Variants in KAT6A observed in about 807,000 individuals in gnomAD.
The protein encoded by KAT6A is histone acetyltransferase KAT6A.
In KAT6A, 9 loss-of-function variants were observed where a neutral mutation model predicts 198.4. The ratio of observed to expected loss-of-function variants is 0.05; its 90% CI spans 0.03 to 0.08. KAT6A has a LOEUF of 0.08. KAT6A is among the 10% of genes least tolerant of loss of function. The pLI is 1.00. For synonymous variants in KAT6A, 890 were observed against 883.0 expected, an observed-to-expected ratio of 1.01 and a Z score of -0.14; for missense variants, 2,077 against 2,509.9, an observed-to-expected ratio of 0.83 and a Z score of 3.69.
rs988491987 is a variant in KAT6A, at chr8:42,007,961, CAAAAAAAAAA to C, written c.601-20408_601-20399del. 9.3e-5 allele frequency among the ~76,000 whole-genome samples: 4 copies of C among 42,896 alleles called. 1 individual carries two copies. Among genetic ancestry groups the C allele is most frequent in the African/African-American group, 2.7e-4 (3 of 11,210 alleles). The allele number at this position is 42,896 out of a possible 152,430, so 28.1% of individuals were successfully genotyped here. On this transcript the variant is annotated intron_variant, in intron 2 of 16. Coordinates refer to ENST00000265713, the MANE Select transcript of KAT6A (RefSeq NM_006766.5). ...TGGGCGACAGAGCGAGACTCCGTCT[CAAAAAAAAAA>C]AAAAAAAAAAAAAAAATTTTTATTG... is the stretch of plus-strand genomic sequence containing the variant.
chr8:41,948,082 C>A (rs1822484614), intron 10 of KAT6A, among the ~76,000 whole-genome samples, 170 bp from the exon 11 acceptor site: 1 of 152,200 alleles, frequency 6.6e-6, no homozygotes, highest in African/African-American at 2.4e-5. Flanking sequence ...CAGTATTATG[C>A]TATCTGCTGT....
chr8:42,050,168 T>C (rs1587873160), intron 1 of KAT6A, among the ~76,000 whole-genome samples: 1 of 152,342 alleles, frequency 6.6e-6, no homozygotes, highest in African/African-American at 2.4e-5. Context: ...CACTGGCTAC[T>C]TGTAGGACTA....
Position 41,999,822 on chromosome 8 carries a change from T to G in KAT6A, c.601-12259A>C, listed in dbSNP as rs548725639. Among the ~76,000 whole-genome samples the G allele has an allele frequency of 1.4e-4, 21 of 152,368 alleles. No individual in the cohort carries two copies. The East Asian group carries it at 2.3e-3, about 17-fold the overall frequency. On this transcript the variant is annotated intron_variant, in intron 2 of 16. Coordinates refer to ENST00000265713, the MANE Select transcript of KAT6A (RefSeq NM_006766.5). ...GGGTTCTGCCACTGTGGCATCACTT[T>G]AAGCAAGTTACTTAAGTGTTGAAAA...
At chr8:42,027,279 T>G (rs1210782048) in intron 2 of KAT6A, among the ~76,000 whole-genome samples, 3 of 152,188 alleles carry the variant, frequency 2.0e-5, no homozygotes, top group Non-Finnish European at 2.9e-5. Context: ...GATTTGGTAT[T>G]GGGATAATGC....
At chr8:41,980,767 T>G (rs113547013) in intron 5 of KAT6A, 79 bp downstream of exon 5, 12 of 977,308 alleles carry the variant, frequency 1.2e-5, no homozygotes, top group Non-Finnish European at 2.0e-5. Context: ...TATTATTTCA[T>G]TTAACAAAGT....
intron 1 of KAT6A, among the ~76,000 whole-genome samples, chr8:42,050,282 G>C (rs1802540120): frequency 6.6e-6 from 1 of 152,206 alleles, no homozygotes; most frequent in Non-Finnish European, 1.5e-5. Flanking sequence ...ATCAAAGTCA[G>C]TATCCCTATA....
chr8:41,943,812 T>C lies in KAT6A; in HGVS notation c.2164A>G (p.Ile722Val). 3 of 1,613,916 alleles carry C rather than the reference T, an allele frequency of 1.9e-6. No individual in the cohort carries two copies. The change falls in exon 13 of 17, where the codon ATC (isoleucine) becomes GTC (valine). Residue 722 changes from isoleucine (I) to valine (V), a missense_variant. Coordinates refer to ENST00000265713, the MANE Select transcript of KAT6A (RefSeq NM_006766.5). ...GTGGAAGTGATGTCTTGAGGGCAGATTCCAGTCAACTTGCTTAACTTCTTA... is the reference window on the plus strand; with the variant it reads ...GTGGAAGTGATGTCTTGAGGGCAGACTCCAGTCAACTTGCTTAACTTCTTA... ...SIKKLSKLTG[I>V]CPQDITSTLH...
chr8:41,952,961 A>G (rs944312497), intron 9 of KAT6A, among the ~76,000 whole-genome samples: 25 of 152,336 alleles, frequency 1.6e-4, no homozygotes, highest in African/African-American at 6.0e-4. Flanking sequence ...GGATGAAAAA[A>G]TATACAGAAA....
intron 8 of KAT6A, among the ~76,000 whole-genome samples, chr8:41,967,156 A>C (rs1823533693): frequency 6.6e-6 from 1 of 152,168 alleles, no homozygotes; most frequent in Non-Finnish European, 1.5e-5. Flanking sequence ...ATCTGTATGA[A>C]AATACAATGT....
chr8:42,031,725 G>T, intron 2 of KAT6A, among the ~76,000 whole-genome samples: 1 of 145,512 alleles, frequency 6.9e-6, no homozygotes, highest in African/African-American at 2.6e-5. Flanking sequence ...CACCTCCCGG[G>T]TTCAAGCAAT....
At chr8:41,988,915 T>G (rs369502977) in intron 2 of KAT6A, among the ~76,000 whole-genome samples, 1 of 152,282 alleles carries the variant, frequency 6.6e-6, no homozygotes. Flanking sequence ...ATTCATTCAT[T>G]GGTTCATTGA....
chr8:42,025,126 A>G (rs578132576), intron 2 of KAT6A, among the ~76,000 whole-genome samples: 10 of 152,168 alleles, frequency 6.6e-5, no homozygotes, highest in African/African-American at 2.4e-4. Flanking sequence ...CTTTTTGACA[A>G]CAGCCATTCT....
chr8:41,953,360 T>G (rs895450351), intron 9 of KAT6A, among the ~76,000 whole-genome samples: 1 of 152,378 alleles, frequency 6.6e-6, no homozygotes, highest in East Asian at 1.9e-4. Context: ...TGGAAAAGCT[T>G]TCTTTTCTAA....
chr8:41,940,876 G>A lies in KAT6A; in HGVS notation c.3005C>T (p.Pro1002Leu). ...CAGCGTGGGCTTTGTGAGAATTGGT[G>A]GCGAGCTTGACCGAGGGCTTTCCGG... The part of the protein sequence containing the change: ...EEPESPRSSS[P>L]PILTKPTLKR... Residue 1002 changes from proline (P) to leucine (L), a missense_variant, in exon 15 of 17, where the codon CCA (proline) becomes CTA (leucine). Around this residue, in one of 13 missense-constraint regions of KAT6A, gnomAD observed 301 missense variants for 272.2 expected, o/e 1.11. Transcript: ENST00000265713. 1 of 1,613,266 alleles carries A rather than the reference G, an allele frequency of 6.2e-7. No individual in the cohort carries two copies. Among genetic ancestry groups the A allele is most frequent in the Non-Finnish European group, 8.5e-7 (1 of 1,179,924 alleles).
chr8:42,034,975 G>A (rs1827297843), intron 2 of KAT6A, among the ~76,000 whole-genome samples: 2 of 152,212 alleles, frequency 1.3e-5, no homozygotes, highest in Non-Finnish European at 2.9e-5. Flanking sequence ...CTTTGCGCTT[G>A]TGTTCTTAAT....
In KAT6A at chr8:41,941,444, C is replaced by T. The variant is rs773605587; in HGVS notation, c.2437G>A (p.Val813Met). Residue 813 changes from valine to methionine, a missense_variant and splice_region_variant, in exon 15 of 17, where the codon GTG (valine) becomes ATG (methionine). Val to Met is a conservative substitution (Grantham distance 21, BLOSUM62 1). Around this residue, in one of 13 missense-constraint regions of KAT6A, gnomAD observed 301 missense variants for 272.2 expected, o/e 1.11. Transcript: ENST00000265713. ...QCQERELEISVGKSVSHENKE... is the reference protein window; with the variant it reads ...QCQERELEISMGKSVSHENKE... ...TTCTCATGAGACACAGACTTTCCCA[C>T]CTGATTTTAGAAAATAAAACAATGC... 5 of 1,577,140 alleles carry T rather than the reference C, an allele frequency of 3.2e-6. No individual in the cohort carries two copies. The East Asian group carries it at 6.7e-5, about 21-fold the overall frequency.
chr8:41,983,160 T>C (rs527545157), intron 3 of KAT6A, among the ~76,000 whole-genome samples: 27 of 152,334 alleles, frequency 1.8e-4, no homozygotes, highest in Admixed American at 3.9e-4. Flanking sequence ...GGGTAGCCAA[T>C]TTCCCCTCAA....
chr8:41,945,508 G>C (rs897426021), intron 12 of KAT6A, among the ~76,000 whole-genome samples: 1 of 151,992 alleles, frequency 6.6e-6, no homozygotes, highest in African/African-American at 2.4e-5. Flanking sequence ...CCGACCTCAT[G>C]ATCTGCCCAC....
intron 8 of KAT6A, among the ~76,000 whole-genome samples, chr8:41,962,095 GT>G (rs960221230): frequency 2.0e-5 from 3 of 151,848 alleles, no homozygotes; most frequent in Non-Finnish European, 2.9e-5. Flanking sequence ...ACACCTTCAT[GT>G]TTTTTTTCCT....
Sources: gnomAD v4.1 joint callset for allele counts (sites outside exome capture counted in the v4.1 genomes callset) on GRCh38, gnomAD v4.1.1 for gene constraint, gnomAD v4.1.1 regional missense constraint, MANE v1.5 for transcripts, NCBI Gene and HGNC (gene_info 2026-07-23, HGNC 2026-07-21) for gene names.